The following NXPE4 variants were observed in gnomAD, a reference collection of about 807,000 sequenced individuals.
NXPE4 encodes the protein neurexophilin and PC-esterase domain family member 4, also known as NXPE family member 4.
A neutral mutation model predicts 33.3 loss-of-function variants in NXPE4; 42 were observed. The ratio of observed to expected loss-of-function variants is 1.26; its 90% CI spans 0.98 to 1.63. The LOEUF is 1.63. NXPE4 is among the 40% of genes most tolerant of loss of function. NXPE4 has a pLI of 0.00. For missense variants in NXPE4, 709 were observed against 647.6 expected, an observed-to-expected ratio of 1.09 and a Z score of -1.03; for synonymous variants, 253 against 234.9, an observed-to-expected ratio of 1.08 and a Z score of -0.71.
the NXPE4 span, among the ~76,000 whole-genome samples, chr11:114,604,419 C>A: frequency 2.6e-5 from 4 of 151,682 alleles, no homozygotes; most frequent in African/African-American, 9.7e-5. Context: ...AGTATTGCCT[C>A]GTGGGTAACC....
chr11:114,648,913 C>T, the NXPE4 span, among the ~76,000 whole-genome samples: 1 of 151,312 alleles, frequency 6.6e-6, no homozygotes, highest in African/African-American at 2.4e-5. Flanking sequence ...GAAGTCAATA[C>T]ATCTTATGTT....
chr11:114,651,553 C>T, the NXPE4 span, among the ~76,000 whole-genome samples: 18 of 152,200 alleles, frequency 1.2e-4, 1 homozygote, highest in Non-Finnish European at 2.2e-4. Context: ...CCACTGCTGG[C>T]TTTGCTGGCC....
chr11:114,650,349 G>A, the NXPE4 span, among the ~76,000 whole-genome samples: 5 of 152,202 alleles, frequency 3.3e-5, no homozygotes, highest in Admixed American at 3.3e-4. Context: ...CACCAGAAAA[G>A]AGGATGTCAC....
the NXPE4 span, among the ~76,000 whole-genome samples, chr11:114,613,896 C>T: frequency 6.6e-6 from 1 of 152,096 alleles, no homozygotes; most frequent in Admixed American, 6.6e-5. Flanking sequence ...ATAAGTGTTG[C>T]CTCGTGGGTA....
chr11:114,627,928 A>T, the NXPE4 span, among the ~76,000 whole-genome samples: 2 of 152,052 alleles, frequency 1.3e-5, no homozygotes, highest in Non-Finnish European at 2.9e-5. Flanking sequence ...AAAGAAGGCC[A>T]TTATTTAATG....
the NXPE4 span, among the ~76,000 whole-genome samples, chr11:114,611,888 T>A: frequency 6.6e-6 from 1 of 151,910 alleles, no homozygotes; most frequent in Admixed American, 6.6e-5. Context: ...TATTGCCTCA[T>A]GGGTAAACAC....
the NXPE4 span, among the ~76,000 whole-genome samples, chr11:114,631,365 C>G: frequency 3.9e-3 from 586 of 151,854 alleles, 7 homozygotes; most frequent in African/African-American, 0.013. Context: ...GAGTTCATGT[C>G]CTTTGTAGGG....
chr11:114,669,826 G>A, the NXPE4 span, among the ~76,000 whole-genome samples: 10 of 152,050 alleles, frequency 6.6e-5, no homozygotes, highest in Admixed American at 2.0e-4. Context: ...ATTGGTTGTA[G>A]GCAATTATGC....
At chr11:114,676,345 C>T in the NXPE4 span, among the ~76,000 whole-genome samples, 1 of 151,690 alleles carries the variant, frequency 6.6e-6, no homozygotes, top group East Asian at 1.9e-4. Context: ...AAAACATTTG[C>T]AAACCATACA....
the NXPE4 span, among the ~76,000 whole-genome samples, chr11:114,622,430 G>T: frequency 6.6e-6 from 1 of 151,710 alleles, no homozygotes; most frequent in African/African-American, 2.4e-5. Context: ...AATAAGTGTT[G>T]CCTTCTGCGT....
intron 2 of NXPE4, among the ~76,000 whole-genome samples, chr11:114,592,176 A>G (rs1949472489): frequency 6.6e-6 from 1 of 152,178 alleles, no homozygotes; most frequent in South Asian, 2.1e-4. Flanking sequence ...TAGCCAGAGC[A>G]ATTAAGTCAG....
intron 2 of NXPE4, among the ~76,000 whole-genome samples, chr11:114,591,590 A>G (rs1048983204): frequency 6.6e-6 from 1 of 152,148 alleles, no homozygotes; most frequent in Non-Finnish European, 1.5e-5. Context: ...CCCCTGCAAA[A>G]ATAGAATGGG....
In NXPE4 at chr11:114,595,028, AG is replaced by A. The variant is rs150454144; in HGVS notation, c.-10-260del. On this transcript the variant is annotated intron_variant, in intron 1 of 5. Coordinates refer to ENST00000375478, the MANE Select transcript of NXPE4 (RefSeq NM_001077639.2). ...GATCTTTAAGAAATCGAGCAGCTTAAGGGCCTGAAGGATGCAAGCTTGCTCG... is the reference window on the plus strand; with the variant it reads ...GATCTTTAAGAAATCGAGCAGCTTAAGGCCTGAAGGATGCAAGCTTGCTCG... 1.5e-3 allele frequency among the ~76,000 whole-genome samples: 224 copies of A among 152,256 alleles called. 1 individual carries two copies. Among genetic ancestry groups the A allele is most frequent in the African/African-American group, 5.2e-3 (217 of 41,562 alleles).
At chr11:114,613,924 GATA>G in the NXPE4 span, among the ~76,000 whole-genome samples, 5 of 151,926 alleles carry the variant, frequency 3.3e-5, no homozygotes, top group African/African-American at 1.2e-4. Flanking sequence ...TTACCCAGTG[GATA>G]ATAAGTATTG....
chr11:114,588,343 G>A (rs1949358611), intron 2 of NXPE4, among the ~76,000 whole-genome samples: 1 of 152,042 alleles, frequency 6.6e-6, no homozygotes, highest in African/African-American at 2.4e-5. Flanking sequence ...ACAAATAAAG[G>A]GAGACTTAGG....
the NXPE4 span, among the ~76,000 whole-genome samples, chr11:114,622,327 C>A: frequency 2.6e-5 from 4 of 152,094 alleles, no homozygotes; most frequent in African/African-American, 9.6e-5. Context: ...ACCACTGTTA[C>A]CCAATGCATC....
chr11:114,656,482 A>G, the NXPE4 span, among the ~76,000 whole-genome samples: 1 of 152,172 alleles, frequency 6.6e-6, no homozygotes, highest in Admixed American at 6.5e-5. Context: ...GACAATTCTA[A>G]AAGCTGGAGG....
At position 114,576,990 on chromosome 11, in the gene NXPE4, T is replaced by C. The variant is rs11215066; in HGVS notation, c.1099+3142A>G. ...AAGAAGATGTTTATATATATATATA[T>C]ACATATATATATATAAAGTTATATA... On this transcript the variant is annotated intron_variant, in intron 5 of 5. Coordinates refer to ENST00000375478, the MANE Select transcript of NXPE4 (RefSeq NM_001077639.2). 4.7e-3 allele frequency among the ~76,000 whole-genome samples: 473 copies of C among 100,350 alleles called. 8 individuals are homozygous for C. The highest frequency in any genetic ancestry group is 0.013 in the African/African-American group (293 of 21,886). 65.8% of individuals were successfully genotyped at this position (100,350 alleles called of 152,430 possible). A position where few individuals can be genotyped will look rare whatever the true frequency, so the allele number is the denominator to read the frequency against.
chr11:114,620,639 AACCCAGTGGATT>A, the NXPE4 span, among the ~76,000 whole-genome samples: 4 of 151,918 alleles, frequency 2.6e-5, no homozygotes, highest in Non-Finnish European at 5.9e-5. Context: ...CCTCTAGAGT[AACCCAGTGGATT>A]ACCCAGTGGA....
Sources: allele counts gnomAD v4.1 joint callset (sites outside exome capture counted in the v4.1 genomes callset), GRCh38; gene constraint gnomAD v4.1.1; transcripts MANE v1.5; gene names NCBI Gene and HGNC (gene_info 2026-07-23, HGNC 2026-07-21).